ANKS1B: variants seen among roughly 807,000 people sequenced by gnomAD.
The protein encoded by ANKS1B is ankyrin repeat and sterile alpha motif domain containing 1B.
Under a neutral mutation model 148.3 loss-of-function variants are expected in ANKS1B, and 36 were observed. That is an observed-to-expected ratio of 0.24 (90% CI 0.19 to 0.32). ANKS1B has a LOEUF of 0.32. Ranked by LOEUF, ANKS1B falls within the 10% of genes least tolerant of loss-of-function variation. The probability of loss-of-function intolerance (pLI) is 1.00; values close to 1 mark genes in which losing one functional copy is unlikely to be tolerated. For synonymous variants in ANKS1B, 542 were observed against 560.8 expected (o/e 0.97, Z 0.47); for missense variants, 1,157 against 1,542.6 (o/e 0.75, Z 4.19).
At chr12:99,365,937 A>T (rs1310384358) in intron 12 of ANKS1B, among the ~76,000 whole-genome samples, 1 of 152,252 alleles carries the variant, frequency 6.6e-6, no homozygotes, top group Non-Finnish European at 1.5e-5. Flanking sequence ...AAAAATCAAC[A>T]AATGAAAAAA....
At chr12:99,448,273 A>T (rs1386471505) in intron 10 of ANKS1B, among the ~76,000 whole-genome samples, 2 of 152,170 alleles carry the variant, frequency 1.3e-5, no homozygotes, top group East Asian at 3.9e-4. Flanking sequence ...GCTGCCTTAA[A>T]AAAGAAGGGA....
At chr12:99,257,412 T>A (rs7961567) in intron 12 of ANKS1B, among the ~76,000 whole-genome samples, 48,537 of 151,994 alleles carry the variant, frequency 0.32, 9,290 homozygotes, top group African/African-American at 0.54. Context: ...TTTTCTCTTC[T>A]TCTGTGCATA....
intron 12 of ANKS1B, among the ~76,000 whole-genome samples, chr12:99,258,731 T>G (rs10083057): frequency 6.6e-6 from 1 of 151,786 alleles, no homozygotes; most frequent in Admixed American, 6.6e-5. Flanking sequence ...CACATTGAGA[T>G]AGAAGTGTGA....
At chr12:99,295,586 G>A (rs1458125339) in intron 12 of ANKS1B, among the ~76,000 whole-genome samples, 1 of 152,062 alleles carries the variant, frequency 6.6e-6, no homozygotes, top group African/African-American at 2.4e-5. Context: ...TTCTTTTATG[G>A]ATTATACTTT....
intron 9 of ANKS1B, among the ~76,000 whole-genome samples, chr12:99,625,803 A>G (rs560916174): frequency 6.6e-5 from 10 of 152,278 alleles, no homozygotes; most frequent in African/African-American, 2.4e-4. Flanking sequence ...TGCTTATCAC[A>G]GAGAGTAGTA....
At chr12:99,417,243 T>G (rs10777982) in intron 11 of ANKS1B, among the ~76,000 whole-genome samples, 1 of 152,070 alleles carries the variant, frequency 6.6e-6, no homozygotes, top group African/African-American at 2.4e-5. Flanking sequence ...ATAAGCCATA[T>G]GACTTAGGTC....
At chr12:99,078,443 A>G (rs531840998) in intron 16 of ANKS1B, among the ~76,000 whole-genome samples, 1 of 152,306 alleles carries the variant, frequency 6.6e-6, no homozygotes, top group African/African-American at 2.4e-5. Context: ...GTGATTATGT[A>G]CAATTTGCAA....
chr12:99,246,937 T>C, intron 12 of ANKS1B, 73 bp from the exon 13 acceptor site: 1 of 1,156,778 alleles, frequency 8.6e-7, no homozygotes, highest in African/African-American at 1.5e-5. Flanking sequence ...AGTGCCCTTA[T>C]GAACATGTGG....
chr12:99,261,155 C>T (rs1293329333), intron 12 of ANKS1B, among the ~76,000 whole-genome samples: 1 of 152,056 alleles, frequency 6.6e-6, no homozygotes, highest in Non-Finnish European at 1.5e-5. Context: ...GCTTTTATTC[C>T]ACCTACCTCC....
At chr12:99,964,393 T>C (rs2095458739) in intron 1 of ANKS1B, among the ~76,000 whole-genome samples, 1 of 152,230 alleles carries the variant, frequency 6.6e-6, no homozygotes, top group African/African-American at 2.4e-5. Flanking sequence ...CCACTCCCTA[T>C]TCCTCTTTTC....
chr12:99,969,172 A>G (rs1030732554), intron 1 of ANKS1B, among the ~76,000 whole-genome samples: 1 of 151,994 alleles, frequency 6.6e-6, no homozygotes, highest in Admixed American at 6.6e-5. Context: ...AAAATTCCAC[A>G]CTGGGTTTTT....
At chr12:99,925,479 G>A (rs994040710) in intron 1 of ANKS1B, among the ~76,000 whole-genome samples, 3 of 152,148 alleles carry the variant, frequency 2.0e-5, no homozygotes, top group South Asian at 2.1e-4. Flanking sequence ...TATCTTTGGG[G>A]CTTTAAATTT....
intron 10 of ANKS1B, among the ~76,000 whole-genome samples, chr12:99,445,268 A>G (rs1041609211): frequency 3.9e-5 from 6 of 152,068 alleles, no homozygotes; most frequent in African/African-American, 1.4e-4. Flanking sequence ...CACATGTAAG[A>G]ACACTTATTT....
intron 6 of ANKS1B, among the ~76,000 whole-genome samples, 182 bp from the exon 7 acceptor site, chr12:99,775,843 T>C (rs918593997): frequency 1.3e-5 from 2 of 152,218 alleles, no homozygotes; most frequent in Admixed American, 6.5e-5. Context: ...ATGAGCTATT[T>C]AATTAAAGTT....
chr12:99,912,968 C>T (rs2094052948), intron 1 of ANKS1B, among the ~76,000 whole-genome samples: 1 of 152,184 alleles, frequency 6.6e-6, no homozygotes. Context: ...TTCCTGTCTT[C>T]CACAGTTCAA....
At chr12:99,209,943 C>T (rs2083137699) in intron 14 of ANKS1B, among the ~76,000 whole-genome samples, 1 of 152,098 alleles carries the variant, frequency 6.6e-6, no homozygotes, top group Non-Finnish European at 1.5e-5. Context: ...ACATTCCAAC[C>T]CTGCCATAAA....
At chr12:99,437,398 T>C (rs773759780) in intron 11 of ANKS1B, among the ~76,000 whole-genome samples, 1 of 151,988 alleles carries the variant, frequency 6.6e-6, no homozygotes, top group Non-Finnish European at 1.5e-5. Flanking sequence ...AATTTCAAAT[T>C]TTCCAGATTG....
intron 15 of ANKS1B, among the ~76,000 whole-genome samples, chr12:99,134,253 T>C (rs2067124848): frequency 6.6e-6 from 1 of 152,020 alleles, no homozygotes; most frequent in East Asian, 1.9e-4. Context: ...TAAAAAAAGC[T>C]AAAAAAAGAA....
At chr12:99,286,677 G>A (rs1193535749) in intron 12 of ANKS1B, among the ~76,000 whole-genome samples, 1 of 152,120 alleles carries the variant, frequency 6.6e-6, no homozygotes, top group Non-Finnish European at 1.5e-5. Flanking sequence ...GAAGACTACT[G>A]TTCCGAAGGG....
Sources: allele counts gnomAD v4.1 joint callset (sites outside exome capture counted in the v4.1 genomes callset), GRCh38; gene constraint gnomAD v4.1.1; transcripts MANE v1.5; gene names NCBI Gene and HGNC (gene_info 2026-07-23, HGNC 2026-07-21).